Variants in MIPOL1 observed in about 807,000 individuals in gnomAD.
The protein encoded by MIPOL1 is mirror-image polydactyly gene 1 protein.
A neutral mutation model predicts 60.9 loss-of-function variants in MIPOL1; 57 were observed. The ratio of observed to expected loss-of-function variants is 0.94; its 90% CI spans 0.76 to 1.17. The LOEUF (loss-of-function observed/expected upper bound fraction) is 1.17. Ranked by LOEUF, MIPOL1 falls within the 50% of genes most tolerant of loss-of-function variation. The pLI, the probability that MIPOL1 is intolerant of heterozygous loss-of-function variation, is 0.00. For missense variants in MIPOL1, 551 were observed against 511.6 expected, an observed-to-expected ratio of 1.08 and a Z score of -0.74; for synonymous variants, 179 against 168.8, an observed-to-expected ratio of 1.06 and a Z score of -0.47.
Position 37,308,945 on chromosome 14 carries a change from A to G in MIPOL1, c.828+426A>G, listed in dbSNP as rs1373989066. On this transcript the variant is annotated intron_variant, in intron 9 of 12. Coordinates refer to ENST00000684589, the MANE Select transcript of MIPOL1 (RefSeq NM_001388067.1). ...CTTGATTAATGGATCAAAATTATTC[A>G]TGTATTTTTTTCTGAATGCTACTTA... is the stretch of plus-strand genomic sequence containing the variant. 2.6e-5 allele frequency among the ~76,000 whole-genome samples: 4 copies of G among 152,026 alleles called. No homozygotes were observed. In the East Asian group the frequency reaches 7.7e-4, roughly 29 times the overall value.
chr14:37,367,738 A>G (rs141661848), intron 9 of MIPOL1, among the ~76,000 whole-genome samples: 2,414 of 152,168 alleles, frequency 0.016, 56 homozygotes, highest in African/African-American at 0.055. Context: ...ATTACATTTT[A>G]ATCTTAATAA....
chr14:37,435,902 A>G lies in MIPOL1; in HGVS notation c.1031+12953A>G, dbSNP rs983548451. Among the ~76,000 whole-genome samples the G allele has an allele frequency of 3.9e-5, 6 of 152,292 alleles. No homozygotes were observed. In the East Asian group the frequency reaches 1.2e-3, roughly 29 times the overall value. On this transcript the variant is annotated intron_variant, in intron 11 of 12. Transcript: ENST00000684589. ...AGAAATGATAATGAAAAACTGATCT[A>G]TGTTTTGGTATATGTATATTTATGA...
intron 7 of MIPOL1, among the ~76,000 whole-genome samples, chr14:37,303,849 G>A (rs2086553951): frequency 6.6e-6 from 1 of 151,726 alleles, no homozygotes; most frequent in African/African-American, 2.4e-5. Context: ...AAGAATTTTT[G>A]GTTCCTAGAA....
intron 9 of MIPOL1, among the ~76,000 whole-genome samples, chr14:37,323,713 G>T (rs1276433089): frequency 1.3e-5 from 2 of 151,888 alleles, no homozygotes; most frequent in African/African-American, 4.8e-5. Context: ...CCTTTTAAAG[G>T]TATACACATT....
intron 6 of MIPOL1, among the ~76,000 whole-genome samples, chr14:37,279,209 C>T (rs2083904495): frequency 1.3e-5 from 2 of 149,792 alleles, no homozygotes; most frequent in South Asian, 2.1e-4. Flanking sequence ...TCTCTAATGA[C>T]TTTTGTTAAA....
intron 3 of MIPOL1, among the ~76,000 whole-genome samples, chr14:37,260,936 ATGT>A (rs1306767656): frequency 6.6e-6 from 1 of 152,028 alleles, no homozygotes; most frequent in Non-Finnish European, 1.5e-5. Flanking sequence ...ACATAGAAGT[ATGT>A]TATTTAAATT....
intron 11 of MIPOL1, among the ~76,000 whole-genome samples, chr14:37,499,514 A>G (rs1173998652): frequency 3.3e-5 from 5 of 152,078 alleles, no homozygotes; most frequent in Non-Finnish European, 5.9e-5. Context: ...GGCAGAATAG[A>G]CCCTCGATCT....
chr14:37,360,733 A>ATG (rs1477871044), intron 9 of MIPOL1, among the ~76,000 whole-genome samples: 1 of 151,994 alleles, frequency 6.6e-6, no homozygotes, highest in Admixed American at 6.6e-5. Flanking sequence ...TCTTGCTAGC[A>ATG]GTCTATCAAT....
At chr14:37,241,581 A>AGGGGGT (rs1340425714) in intron 1 of MIPOL1, among the ~76,000 whole-genome samples, 1 of 394 alleles carries the variant, frequency 2.5e-3, no homozygotes, top group Non-Finnish European at 4.5e-3. Context: ...TGTGGGGGTG[A>AGGGGGT]GGGGGTGGGG....
intron 12 of MIPOL1, among the ~76,000 whole-genome samples, chr14:37,540,113 T>C (rs1404317912): frequency 6.6e-6 from 1 of 152,222 alleles, no homozygotes; most frequent in Admixed American, 6.5e-5. Flanking sequence ...TTCAACCTTC[T>C]TCCTTTATAA....
Position 37,268,676 on chromosome 14 carries a change from T to C in MIPOL1, c.270T>C (p.His90=). ...TEKYNVMEHR[H]NDMHYECMTP... ...ATTACAGCGTTATGGAACATAGACA[T>C]AATGATATGCATTATGAATGTATGA... Residue 90 remains histidine (H), a synonymous_variant, in exon 5 of 13, where the codon CAT becomes CAC. Transcript: ENST00000684589. 1.9e-6 allele frequency: 3 copies of C among 1,595,600 alleles called. No homozygotes were observed. In the Middle Eastern group the frequency reaches 5.0e-4, roughly 267 times the overall value.
chr14:37,207,799 G>C (rs1422967256), intron 1 of MIPOL1, among the ~76,000 whole-genome samples: 2 of 152,068 alleles, frequency 1.3e-5, no homozygotes, highest in African/African-American at 4.8e-5. Flanking sequence ...ACCCACCTCA[G>C]CCCCCCAAAG....
At chr14:37,373,131 G>A (rs996009880) in intron 10 of MIPOL1, among the ~76,000 whole-genome samples, 4 of 152,032 alleles carry the variant, frequency 2.6e-5, no homozygotes, top group African/African-American at 9.7e-5. Flanking sequence ...AGCCTCCTGA[G>A]TAGCTGAGAT....
intron 11 of MIPOL1, among the ~76,000 whole-genome samples, chr14:37,443,914 G>A (rs1376959141): frequency 3.3e-5 from 5 of 152,114 alleles, no homozygotes; most frequent in African/African-American, 7.2e-5. Flanking sequence ...AATCATTTCA[G>A]TGGATGCAGA....
At chr14:37,377,656 C>T (rs1217586810) in intron 10 of MIPOL1, among the ~76,000 whole-genome samples, 3 of 151,782 alleles carry the variant, frequency 2.0e-5, no homozygotes, top group African/African-American at 7.3e-5. Flanking sequence ...ATATAATCTT[C>T]ATATCCTCTC....
chr14:37,280,083 C>T (rs2153403541), intron 6 of MIPOL1, among the ~76,000 whole-genome samples: 1 of 152,206 alleles, frequency 6.6e-6, no homozygotes, highest in South Asian at 2.1e-4. Flanking sequence ...ATAGTGTCCT[C>T]TAGGTTTATC....
chr14:37,256,471 A>G (rs182738213), intron 3 of MIPOL1, among the ~76,000 whole-genome samples: 8 of 152,054 alleles, frequency 5.3e-5, no homozygotes, highest in African/African-American at 1.7e-4. Context: ...AGTAGATCAG[A>G]TGATTTTTAA....
At chr14:37,444,769 A>G (rs963199700) in intron 11 of MIPOL1, among the ~76,000 whole-genome samples, 2 of 152,210 alleles carry the variant, frequency 1.3e-5, no homozygotes, top group African/African-American at 4.8e-5. Context: ...GGCTGGTTCA[A>G]TATACGCAAA....
chr14:37,400,709 G>C (rs1427719313), intron 10 of MIPOL1: 6 of 152,096 alleles, frequency 3.9e-5, no homozygotes, highest in Non-Finnish European at 8.8e-5. Flanking sequence ...CTTAGATCTT[G>C]GGAAGAAACT....
Sources: allele counts gnomAD v4.1 joint callset (sites outside exome capture counted in the v4.1 genomes callset), GRCh38; gene constraint gnomAD v4.1.1; transcripts MANE v1.5; gene names NCBI Gene and HGNC (gene_info 2026-07-23, HGNC 2026-07-21).